Variants in MGAT4C observed in about 807,000 individuals in gnomAD.
MGAT4C encodes the protein MGAT4 family member C, also known as alpha-1,3-mannosyl-glycoprotein 4-beta-N-acetylglucosaminyltransferase C.
Under a neutral mutation model 40.1 loss-of-function variants are expected in MGAT4C, and 19 were observed. That is an observed-to-expected ratio of 0.47 (90% CI 0.33 to 0.70). MGAT4C has a LOEUF of 0.70. Ranked by LOEUF, MGAT4C falls within the 30% of genes least tolerant of loss-of-function variation. The pLI, the probability that MGAT4C is intolerant of heterozygous loss-of-function variation, is 0.02. For missense variants in MGAT4C, 491 were observed against 563.2 expected (o/e 0.87, Z 1.30); for synonymous variants, 181 against 187.1 (o/e 0.97, Z 0.27).
chr12:86,007,752 A>AT (rs1271699306), intron 2 of MGAT4C, among the ~76,000 whole-genome samples: 4 of 152,172 alleles, frequency 2.6e-5, no homozygotes, highest in African/African-American at 9.6e-5. Flanking sequence ...AAGTTCATTA[A>AT]TTTTTTATGG....
intron 1 of MGAT4C, among the ~76,000 whole-genome samples, chr12:86,129,338 T>G (rs1027547356): frequency 1.3e-5 from 2 of 152,122 alleles, no homozygotes; most frequent in East Asian, 1.9e-4. Flanking sequence ...GAACAACATG[T>G]TTTACAACTT....
intron 1 of MGAT4C, among the ~76,000 whole-genome samples, chr12:86,056,990 A>T (rs868222226): frequency 2.6e-4 from 39 of 152,194 alleles, no homozygotes; most frequent in Middle Eastern, 6.8e-3. Context: ...TATTGGAGAA[A>T]ATATTTCTGT....
At chr12:86,262,177 C>G (rs1451740092) in intron 4 of MGAT4C, among the ~76,000 whole-genome samples, 4 of 152,026 alleles carry the variant, frequency 2.6e-5, no homozygotes, top group Non-Finnish European at 5.9e-5. Context: ...AGTTTCAGTC[C>G]CATTTCTTCC....
chr12:86,076,669 C>T lies in MGAT4C; in HGVS notation c.-56-26946G>A, dbSNP rs964226799. ...GAGAAAAATGAGGAAGAGGCAAAAG[C>T]GGAAACCCCTGATAAACCCATCAGA... On this transcript the variant is annotated intron_variant, in intron 1 of 4. Coordinates refer to ENST00000611864, the MANE Select transcript of MGAT4C (RefSeq NM_001351288.2). Among the ~76,000 whole-genome samples the T allele has an allele frequency of 4.6e-5, 7 of 152,150 alleles. No homozygotes were observed. The East Asian group carries it at 9.7e-4, about 21-fold the overall frequency.
intron 1 of MGAT4C, among the ~76,000 whole-genome samples, chr12:86,125,620 T>C (rs1880102964): frequency 6.6e-6 from 1 of 152,154 alleles, no homozygotes; most frequent in South Asian, 2.1e-4. Context: ...AGAAAAAGAA[T>C]AGTTTCCTTT....
chr12:86,554,848 A>G (rs1442123449), intron 2 of MGAT4C, among the ~76,000 whole-genome samples: 1 of 152,080 alleles, frequency 6.6e-6, no homozygotes, highest in Non-Finnish European at 1.5e-5. Flanking sequence ...GAGTCTTACT[A>G]TGTTGGAAAT....
In MGAT4C at chr12:86,026,394, A is replaced by G. The variant is rs1250937884; in HGVS notation, c.-7+23280T>C. 2.0e-5 allele frequency among the ~76,000 whole-genome samples: 3 copies of G among 151,650 alleles called. No individual in the cohort carries two copies. The East Asian group carries it at 5.8e-4, about 29-fold the overall frequency. On this transcript the variant is annotated intron_variant, in intron 2 of 4. Transcript: ENST00000611864. ...ACACACCTATTTAAAAATAACACAT[A>G]CGTTGAACCATATCATGTTTTTGTT... is the stretch of plus-strand genomic sequence containing the variant.
chr12:86,728,334 T>G (rs114328795), intron 1 of MGAT4C, among the ~76,000 whole-genome samples: 3,121 of 152,312 alleles, frequency 0.02, 97 homozygotes, highest in African/African-American at 0.071. Flanking sequence ...TTCCCCTGTC[T>G]TATTATAGAA....
chr12:86,365,892 A>C (rs1261690233), intron 3 of MGAT4C, among the ~76,000 whole-genome samples: 6 of 152,122 alleles, frequency 3.9e-5, no homozygotes, highest in Admixed American at 3.9e-4. Flanking sequence ...GTTCCAAATA[A>C]ATTTTAGAAT....
chr12:86,646,890 A>G (rs536201685), intron 2 of MGAT4C, among the ~76,000 whole-genome samples: 3 of 152,098 alleles, frequency 2.0e-5, no homozygotes, highest in South Asian at 2.1e-4. Context: ...TGTATTGTGG[A>G]ATGATCAAGC....
At chr12:86,349,975 T>A (rs1955124921) in intron 3 of MGAT4C, among the ~76,000 whole-genome samples, 1 of 152,030 alleles carries the variant, frequency 6.6e-6, no homozygotes, top group Non-Finnish European at 1.5e-5. Context: ...AATATAAATA[T>A]AATATATTCC....
intron 2 of MGAT4C, among the ~76,000 whole-genome samples, chr12:85,990,665 T>C (rs535769142): frequency 6.4e-4 from 98 of 152,274 alleles, no homozygotes; most frequent in African/African-American, 2.4e-3. Context: ...AGTCTTAATA[T>C]ATAAGACTTA....
At chr12:86,136,373 A>G (rs1881954836) in intron 1 of MGAT4C, among the ~76,000 whole-genome samples, 1 of 152,194 alleles carries the variant, frequency 6.6e-6, no homozygotes, top group African/African-American at 2.4e-5. Flanking sequence ...TGCATGTGCT[A>G]TGAAGAAAAA....
chr12:86,338,938 GAC>G (rs1184398195), intron 3 of MGAT4C, among the ~76,000 whole-genome samples: 1 of 107,066 alleles, frequency 9.3e-6, no homozygotes, highest in Non-Finnish European at 1.7e-5. Context: ...CAGGCTGGGT[GAC>G]AGAGTGAGAC....
At chr12:86,819,294 T>C (rs931451085) in intron 1 of MGAT4C, among the ~76,000 whole-genome samples, 1 of 150,950 alleles carries the variant, frequency 6.6e-6, no homozygotes, top group Non-Finnish European at 1.5e-5. Context: ...GTGGTTCATA[T>C]ATGATATGAA....
At chr12:86,669,514 G>C (rs1964199364) in intron 2 of MGAT4C, among the ~76,000 whole-genome samples, 1 of 152,160 alleles carries the variant, frequency 6.6e-6, no homozygotes, top group Admixed American at 6.5e-5. Flanking sequence ...GTTTTAGGCT[G>C]TCCCCCATCC....
intron 2 of MGAT4C, among the ~76,000 whole-genome samples, chr12:86,640,908 C>T (rs1456020262): frequency 1.3e-5 from 2 of 151,866 alleles, no homozygotes; most frequent in Middle Eastern, 3.4e-3. Context: ...TGTAGTTGAG[C>T]GGTTTTGAGT....
intron 1 of MGAT4C, among the ~76,000 whole-genome samples, chr12:86,239,430 T>G (rs996170056): frequency 6.6e-6 from 1 of 152,088 alleles, no homozygotes; most frequent in Non-Finnish European, 1.5e-5. Context: ...CTCTGTCTAC[T>G]TCAGCTGACG....
intron 3 of MGAT4C, among the ~76,000 whole-genome samples, chr12:86,341,688 G>A (rs1954908390): frequency 6.6e-6 from 1 of 152,256 alleles, no homozygotes; most frequent in East Asian, 1.9e-4. Flanking sequence ...AGGCTTTGGA[G>A]AGCCTGAGCC....
Sources: allele counts gnomAD v4.1 joint callset (sites outside exome capture counted in the v4.1 genomes callset), GRCh38; gene constraint gnomAD v4.1.1; transcripts MANE v1.5; gene names NCBI Gene and HGNC (gene_info 2026-07-23, HGNC 2026-07-21).